Variants in TOX observed in about 807,000 individuals in gnomAD.
The protein encoded by TOX is thymocyte selection associated high mobility group box.
A neutral mutation model predicts 53.7 loss-of-function variants in TOX; 11 were observed. The ratio of observed to expected loss-of-function variants is 0.20; its 90% CI spans 0.13 to 0.34. TOX has a LOEUF of 0.34. Ranked by LOEUF, TOX falls within the 10% of genes least tolerant of loss-of-function variation. The pLI is 1.00. For synonymous variants in TOX, 225 were observed against 245.3 expected (o/e 0.92, Z 0.77); for missense variants, 570 against 664.6 (o/e 0.86, Z 1.56).
At chr8:58,862,337 T>C (rs977647928) in intron 3 of TOX, among the ~76,000 whole-genome samples, 2 of 152,186 alleles carry the variant, frequency 1.3e-5, no homozygotes, top group African/African-American at 2.4e-5. Context: ...GGGATAGATG[T>C]AATTATATAT....
intron 7 of TOX, among the ~76,000 whole-genome samples, chr8:58,811,713 T>C (rs912016980): frequency 2.6e-5 from 4 of 152,232 alleles, no homozygotes; most frequent in African/African-American, 9.6e-5. Flanking sequence ...ACAAAGATTT[T>C]TTCTTAAGGT....
chr8:59,070,548 C>G (rs1439418838), intron 1 of TOX, among the ~76,000 whole-genome samples: 3 of 146,310 alleles, frequency 2.1e-5, no homozygotes, highest in Non-Finnish European at 3.0e-5. Flanking sequence ...CACACACACA[C>G]AGGGAGACCT....
At chr8:58,955,687 G>A (rs1010835304) in intron 2 of TOX, among the ~76,000 whole-genome samples, 10 of 151,744 alleles carry the variant, frequency 6.6e-5, no homozygotes, top group African/African-American at 2.4e-4. Context: ...CAGGGCACTG[G>A]TGGAAAACAC....
At chr8:58,976,177 T>C (rs1481630191) in intron 1 of TOX, among the ~76,000 whole-genome samples, 1 of 152,226 alleles carries the variant, frequency 6.6e-6, no homozygotes, top group East Asian at 1.9e-4. Context: ...TACAGTAGAA[T>C]GTCAAAATTG....
chr8:59,048,330 T>G (rs1803725923), intron 1 of TOX, among the ~76,000 whole-genome samples: 1 of 152,206 alleles, frequency 6.6e-6, no homozygotes, highest in Non-Finnish European at 1.5e-5. Context: ...CAGCAATCAC[T>G]CTCTGTCTGA....
At chr8:59,005,360 T>C (rs1322696256) in intron 1 of TOX, among the ~76,000 whole-genome samples, 2 of 152,172 alleles carry the variant, frequency 1.3e-5, no homozygotes, top group Admixed American at 6.5e-5. Flanking sequence ...TTATTGTAAG[T>C]AGTTTTTGAA....
chr8:58,828,758 A>C (rs1490754202), intron 5 of TOX, among the ~76,000 whole-genome samples: 1 of 152,082 alleles, frequency 6.6e-6, no homozygotes, highest in Non-Finnish European at 1.5e-5. Context: ...TTTTCCTTAA[A>C]GCTCTTCTCA....
intron 1 of TOX, among the ~76,000 whole-genome samples, chr8:59,070,070 T>C (rs994459134): frequency 6.6e-6 from 1 of 152,232 alleles, no homozygotes; most frequent in Admixed American, 6.5e-5. Context: ...ACAATTGTTG[T>C]TGAATTCAAA....
At chr8:58,905,588 C>A (rs1407711118) in intron 3 of TOX, among the ~76,000 whole-genome samples, 1 of 152,194 alleles carries the variant, frequency 6.6e-6, no homozygotes. Context: ...TTGGTCAACA[C>A]TAGGCCGAAA....
intron 1 of TOX, among the ~76,000 whole-genome samples, chr8:59,002,528 C>A (rs1295945244): frequency 6.6e-6 from 1 of 150,814 alleles, no homozygotes. Flanking sequence ...GGAGGCGGAG[C>A]TTGCAGTGAG....
Position 59,072,540 on chromosome 8 carries a change from A to G in TOX, c.102+46346T>C, listed in dbSNP as rs955583281. On this transcript the variant is annotated intron_variant, in intron 1 of 8. Coordinates refer to ENST00000361421, the MANE Select transcript of TOX (RefSeq NM_014729.3). ...CACAAATTATGCTAATAATTGACAA[A>G]TTACATAGAAATGAATTAAGAAATT... is the stretch of plus-strand genomic sequence containing the variant. Among the ~76,000 whole-genome samples, 7 of 152,340 alleles carry G rather than the reference A, an allele frequency of 4.6e-5. No individual in the cohort carries two copies. The East Asian group carries it at 1.3e-3, about 29-fold the overall frequency.
chr8:58,815,201 T>C (rs1810152556), intron 7 of TOX, 137 bp downstream of exon 7: 2 of 1,160,136 alleles, frequency 1.7e-6, no homozygotes, highest in East Asian at 5.3e-5. Context: ...TGAATATCTT[T>C]AGTGCTCTCT....
At chr8:59,033,163 T>C (rs1814391342) in intron 1 of TOX, among the ~76,000 whole-genome samples, 1 of 152,210 alleles carries the variant, frequency 6.6e-6, no homozygotes, top group African/African-American at 2.4e-5. Context: ...GCTATGCCCA[T>C]ACTCCTCTTA....
In TOX at chr8:58,805,902, T is replaced by C. The variant is rs921130885; in HGVS notation, c.*1845A>G. 1 of 152,656 alleles carries C rather than the reference T, an allele frequency of 6.6e-6. No individual in the cohort carries two copies. The highest frequency in any genetic ancestry group is 2.1e-4 in the South Asian group (1 of 4,832). The allele number at this position is 152,656 out of a possible 1,614,324, so 9.5% of individuals were successfully genotyped here. On this transcript the variant is annotated 3_prime_UTR_variant, in exon 9 of 9. Transcript: ENST00000361421. ...GCCTAAAATCATTCCAAAGCAAGCATACCTTTTGTCTGTTTAATTCTGAGT... is the reference window on the plus strand; with the variant it reads ...GCCTAAAATCATTCCAAAGCAAGCACACCTTTTGTCTGTTTAATTCTGAGT...
At chr8:58,872,615 C>T (rs888326602) in intron 3 of TOX, among the ~76,000 whole-genome samples, 1 of 152,052 alleles carries the variant, frequency 6.6e-6, no homozygotes, top group Non-Finnish European at 1.5e-5. Flanking sequence ...CTATCATTTT[C>T]CCCCCAATAG....
chr8:59,072,524 T>TAATAATTGACAAATTAC (rs1804215109), intron 1 of TOX, among the ~76,000 whole-genome samples: 1 of 152,198 alleles, frequency 6.6e-6, no homozygotes, highest in African/African-American at 2.4e-5. Context: ...ACACAAATTA[T>TAATAATTGACAAATTAC]GCTAATAATT....
intron 3 of TOX, among the ~76,000 whole-genome samples, chr8:58,921,176 C>T (rs568861868): frequency 6.6e-6 from 1 of 152,218 alleles, no homozygotes; most frequent in Non-Finnish European, 1.5e-5. Flanking sequence ...CTTGCACCAT[C>T]TCTTGAACAA....
chr8:58,911,047 C>CT (rs1554529208), intron 3 of TOX, among the ~76,000 whole-genome samples: 9 of 151,540 alleles, frequency 5.9e-5, no homozygotes, highest in East Asian at 5.8e-4. Flanking sequence ...TTAGTTCTCT[C>CT]TTTTTTTTTC....
At chr8:58,910,986 A>T (rs1421917461) in intron 3 of TOX, among the ~76,000 whole-genome samples, 1 of 152,226 alleles carries the variant, frequency 6.6e-6, no homozygotes, top group Non-Finnish European at 1.5e-5. Flanking sequence ...TATTTAAATT[A>T]GGCATTTAAT....
Sources: gnomAD v4.1 joint callset for allele counts (sites outside exome capture counted in the v4.1 genomes callset) on GRCh38, gnomAD v4.1.1 for gene constraint, MANE v1.5 for transcripts, NCBI Gene and HGNC (gene_info 2026-07-23, HGNC 2026-07-21) for gene names.